The following PCDH18 variants were observed in gnomAD, a reference collection of about 807,000 sequenced individuals.
PCDH18 encodes the protein protocadherin 18.
In PCDH18, 38 loss-of-function variants were observed where a neutral mutation model predicts 71.5. The observed-to-expected ratio is 0.53, with a 90% CI of 0.41 to 0.70. The LOEUF (loss-of-function observed/expected upper bound fraction) is 0.70, where lower values mean the gene tolerates loss of function less well. Among genes scored for constraint, PCDH18 ranks in the 30% least tolerant of loss-of-function variants. PCDH18 has a pLI of 0.00. For synonymous variants in PCDH18, 565 were observed against 505.4 expected (o/e 1.12, Z -1.58); for missense variants, 1,334 against 1,384.6 (o/e 0.96, Z 0.58).
rs988332040 is a variant in PCDH18, at chr4:137,520,247, T to C, written c.*782A>G. 1.3e-5 allele frequency: 2 copies of C among 152,520 alleles called. No homozygotes were observed. The highest frequency in any genetic ancestry group is 4.8e-5 in the African/African-American group (2 of 41,454). 9.4% of individuals were successfully genotyped at this position (152,520 alleles called of 1,614,324 possible). A position where few individuals can be genotyped will look rare whatever the true frequency, so the allele number is the denominator to read the frequency against. On this transcript the variant is annotated 3_prime_UTR_variant, in exon 4 of 4. Transcript: ENST00000344876. ...TGGAGCATGTTTCATACTACAAGGA[T>C]GGAATAAAATTTATTGTTTACCATA...
Position 137,532,275 on chromosome 4 carries a change from C to T in PCDH18, c.-187G>A. 1 of 705,244 alleles carries T rather than the reference C, an allele frequency of 1.4e-6. No homozygotes were observed. Among genetic ancestry groups the T allele is most frequent in the South Asian group, 1.5e-5 (1 of 68,002 alleles). 43.7% of individuals were successfully genotyped at this position (705,244 alleles called of 1,614,324 possible). The stretch of plus-strand genomic sequence containing the variant: ...CACACCGTGTCACGACTTCCAGATA[C>T]CTTCGGCATGGAGTCCAGTCCTTGC... On this transcript the variant is annotated 5_prime_UTR_variant, in exon 1 of 4. Coordinates refer to ENST00000344876, the MANE Select transcript of PCDH18 (RefSeq NM_019035.5).
rs1238389277 is a variant in PCDH18 at position 137,519,103 on chromosome 4, T to C, written c.*1926A>G. 6.6e-6 allele frequency: 1 copy of C among 152,210 alleles called. No individual in the cohort carries two copies. The highest frequency in any genetic ancestry group is 2.4e-5 in the African/African-American group (1 of 41,452). The allele number at this position is 152,210 out of a possible 1,614,324, so 9.4% of individuals were successfully genotyped here. On this transcript the variant is annotated 3_prime_UTR_variant, in exon 4 of 4. Coordinates refer to ENST00000344876, the MANE Select transcript of PCDH18 (RefSeq NM_019035.5). Reference sequence around the variant, plus strand: ...TTGAAAGGCAGAATGCATTTAAATATGGTTAGCGTTTGTGTGTGTAATCTA... The same window carrying C: ...TTGAAAGGCAGAATGCATTTAAATACGGTTAGCGTTTGTGTGTGTAATCTA...
rs1200113502 is a variant in PCDH18, at chr4:137,529,810, G to A, written c.2279C>T (p.Thr760Ile). 1.2e-6 allele frequency: 2 copies of A among 1,612,166 alleles called. No individual in the cohort carries two copies. The highest frequency in any genetic ancestry group is 1.3e-5 in the African/African-American group (1 of 74,888). Residue 760 changes from threonine to isoleucine, a missense_variant, in exon 1 of 4, where the codon ACA (threonine) becomes ATA (isoleucine). By Grantham distance (89) the Thr-to-Ile change is moderately conservative. Transcript: ENST00000344876. ...PSRQIHKGDI[T>I]LVPTINGTLP... ...AGTGCCATTTATGGTAGGCACCAATGTGATGTCCCCTTTGTGAATCTGCCG... is the reference window on the plus strand; with the variant it reads ...AGTGCCATTTATGGTAGGCACCAATATGATGTCCCCTTTGTGAATCTGCCG...
intron 3 of PCDH18, among the ~76,000 whole-genome samples, chr4:137,526,958 T>TAAAAAAA (rs750084137): frequency 7.8e-6 from 1 of 127,734 alleles, no homozygotes; most frequent in Non-Finnish European, 1.7e-5. Flanking sequence ...TTCCAAATCT[T>TAAAAAAA]AAAAAAAAAA....
intron 3 of PCDH18, among the ~76,000 whole-genome samples, chr4:137,522,320 T>G (rs1731324974): frequency 6.6e-6 from 1 of 152,158 alleles, no homozygotes; most frequent in African/African-American, 2.4e-5. Flanking sequence ...CAAAATATAT[T>G]TATATTCAAA....
Position 137,530,403 on chromosome 4 carries a change from A to G in PCDH18, c.1686T>C (p.Val562=). 1 of 1,614,070 alleles carries G rather than the reference A, an allele frequency of 6.2e-7. No individual in the cohort carries two copies. Among genetic ancestry groups the G allele is most frequent in the South Asian group, 1.1e-5 (1 of 91,078 alleles). Residue 562 remains valine, a synonymous_variant, in exon 1 of 4, where the codon GTT becomes GTC. Coordinates refer to ENST00000344876, the MANE Select transcript of PCDH18 (RefSeq NM_019035.5). ...SPKQLVSNTT[V]VLTIIDENDN... ...CATTTTCGTCAATGATGGTGAGCAC[A>G]ACTGTGGTATTGCTTACCAGTTGCT...
intron 3 of PCDH18, among the ~76,000 whole-genome samples, chr4:137,527,370 G>A (rs1485350853): frequency 6.8e-6 from 1 of 146,010 alleles, no homozygotes; most frequent in Admixed American, 6.9e-5. Context: ...TTGTTATACT[G>A]TATTGTTTTT....
In PCDH18 at chr4:137,531,557, C is replaced by T. The variant is rs760028951; in HGVS notation, c.532G>A (p.Ala178Thr). 5 of 1,612,904 alleles carry T rather than the reference C, an allele frequency of 3.1e-6. No homozygotes were observed. The Admixed American group carries it at 5.0e-5, about 16-fold the overall frequency. ...ENSLHTYSLS[A>T]NDFFNIEVRT... The stretch of plus-strand genomic sequence containing the variant: ...ACCTCGATATTAAAAAAATCATTGG[C>T]AGAGAGCGAGTATGTGTGGAGGGAA... The change falls in exon 1 of 4, where the codon GCC (alanine) becomes ACC (threonine). Residue 178 changes from alanine to threonine, a missense_variant. Transcript: ENST00000344876.
Position 137,530,679 on chromosome 4 carries a change from A to C in PCDH18, c.1410T>G (p.Tyr470Ter). ...DNPPHFQRSR[Y>*]EFVISENNSP... ...AGTTATTTTCTGAAATTACAAATTC[A>C]TATCGGCTTCTCTGGAAGTGGGGTG... Residue 470 changes from tyrosine (Y) to a stop codon, truncating the protein, a stop_gained, in exon 1 of 4, where the codon TAT becomes TAG. Transcript: ENST00000344876. LOFTEE classifies it high-confidence loss of function. 6.2e-7 allele frequency: 1 copy of C among 1,613,150 alleles called. No individual in the cohort carries two copies. The highest frequency in any genetic ancestry group is 8.5e-7 in the Non-Finnish European group (1 of 1,179,576).
chr4:137,531,079 T>C lies in PCDH18; in HGVS notation c.1010A>G (p.His337Arg). Residue 337 changes from histidine (H) to arginine (R), a missense_variant, in exon 1 of 4, where the codon CAT (histidine) becomes CGT (arginine). Transcript: ENST00000344876. Reference sequence around the variant, plus strand: ...CACAACCTTAATTATAATTTTGCAATGGGCTGGGATTGAATTTGGACCCAA... The same window carrying C: ...CACAACCTTAATTATAATTTTGCAACGGGCTGGGATTGAATTTGGACCCAA... Reference protein sequence around the residue: ...QDLGPNSIPAHCKIIIKVVDV... With the variant: ...QDLGPNSIPARCKIIIKVVDV... The C allele has an allele frequency of 6.2e-7, 1 of 1,612,498 alleles. No individual in the cohort carries two copies. The highest frequency in any genetic ancestry group is 8.5e-7 in the Non-Finnish European group (1 of 1,179,194).
chr4:137,528,593 A>G lies in PCDH18; in HGVS notation c.2625T>C (p.Arg875=). The G allele has an allele frequency of 1.2e-6, 2 of 1,613,924 alleles. No homozygotes were observed. Among genetic ancestry groups the G allele is most frequent in the Non-Finnish European group, 1.7e-6 (2 of 1,179,900 alleles). ...MDKFSLKDSG[R]GDSEAGDSDY... ...CACTGTCTCCTGCCTCACTGTCACC[A>G]CGGCCACTGTCTTTCAAGCTAAATT... The change falls in exon 3 of 4, where the codon CGT becomes CGC. Residue 875 remains arginine, a synonymous_variant. Coordinates refer to ENST00000344876, the MANE Select transcript of PCDH18 (RefSeq NM_019035.5).
Position 137,528,486 on chromosome 4 carries a change from A to T in PCDH18, c.2732T>A (p.Ile911Asn). The T allele has an allele frequency of 6.2e-7, 1 of 1,613,782 alleles. No homozygotes were observed. The highest frequency in any genetic ancestry group is 8.5e-7 in the Non-Finnish European group (1 of 1,179,792). The stretch of plus-strand genomic sequence containing the variant: ...TATCACTACCCTCTTACCTGCTGGA[A>T]TTCTTCCATCTGTGAGAAACAGGTC... ...FSDLFLTDGR[I>N]PAAMRLCTEE... is the part of the protein sequence containing the mutation. The change falls in exon 3 of 4, where the codon ATT becomes AAT. Residue 911 changes from isoleucine (I) to asparagine (N), a missense_variant. Ile to Asn is a moderately radical substitution (Grantham distance 149). Transcript: ENST00000344876.
In PCDH18 at chr4:137,532,191, G is replaced by A; in HGVS notation, c.-103C>T. On this transcript the variant is annotated 5_prime_UTR_variant, in exon 1 of 4. Coordinates refer to ENST00000344876, the MANE Select transcript of PCDH18 (RefSeq NM_019035.5). Reference sequence around the variant, plus strand: ...AAGCTACATTTGGTACTTGAAACTTGAAAGCGTCTCTTAATAACACAGCAC... The same window carrying A: ...AAGCTACATTTGGTACTTGAAACTTAAAAGCGTCTCTTAATAACACAGCAC... The A allele has an allele frequency of 1.1e-6, 1 of 943,008 alleles. No individual in the cohort carries two copies. Among genetic ancestry groups the A allele is most frequent in the Admixed American group, 1.7e-5 (1 of 58,354 alleles). 58.4% of individuals were successfully genotyped at this position (943,008 alleles called of 1,614,324 possible).
rs963328785 is a variant in PCDH18 at position 137,532,288 on chromosome 4, G to A, written c.-200C>T. On this transcript the variant is annotated 5_prime_UTR_variant, in exon 1 of 4. Transcript: ENST00000344876. Reference sequence around the variant, plus strand: ...GACTTCCAGATACCTTCGGCATGGAGTCCAGTCCTTGCGTTTGTTTGGTCG... The same window carrying A: ...GACTTCCAGATACCTTCGGCATGGAATCCAGTCCTTGCGTTTGTTTGGTCG... 1.4e-6 allele frequency: 1 copy of A among 703,670 alleles called. No individual in the cohort carries two copies. The highest frequency in any genetic ancestry group is 2.6e-6 in the Non-Finnish European group (1 of 385,806). The allele number at this position is 703,670 out of a possible 1,614,324, so 43.6% of individuals were successfully genotyped here.
chr4:137,525,625 A>T (rs1731431643), intron 3 of PCDH18, among the ~76,000 whole-genome samples: 1 of 152,184 alleles, frequency 6.6e-6, no homozygotes, highest in East Asian at 1.9e-4. Context: ...TGCATATTGC[A>T]GTCTACAGTA....
rs762826550 is a variant in PCDH18 at position 137,531,114 on chromosome 4, C to T, written c.975G>A (p.Gln325=). Residue 325 remains glutamine, a synonymous_variant, in exon 1 of 4, where the codon CAG becomes CAA. Transcript: ENST00000344876. ...TTGAATTTGGACCCAAATCTTGAGCCTGAACATCAATCTCATAGGATTTGG... is the reference window on the plus strand; with the variant it reads ...TTGAATTTGGACCCAAATCTTGAGCTTGAACATCAATCTCATAGGATTTGG... ...EITKSYEIDV[Q]AQDLGPNSIP... 5 of 1,613,838 alleles carry T rather than the reference C, an allele frequency of 3.1e-6. No individual in the cohort carries two copies. In the South Asian group the frequency reaches 5.5e-5, roughly 18 times the overall value.
chr4:137,521,777 A>G, intron 3 of PCDH18, 81 bp from the exon 4 acceptor site: 1 of 1,049,300 alleles, frequency 9.5e-7, no homozygotes, highest in South Asian at 1.6e-5. Context: ...TTTTATAATA[A>G]AAATAGAATG....
rs1321299999 is a variant in PCDH18 at position 137,530,119 on chromosome 4, A to G, written c.1970T>C (p.Ile657Thr). ...CTGAGGATTGCCTTTGTCCTGAATG[A>G]TAACTGACAGCTCCCATTCTGTGTA... is the stretch of plus-strand genomic sequence containing the variant. ...VPYTEWELSV[I>T]IQDKGNPQLH... Residue 657 changes from isoleucine to threonine, a missense_variant, in exon 1 of 4, where the codon ATC becomes ACC. Ile to Thr is a moderately conservative substitution (Grantham distance 89, BLOSUM62 -1). Around this residue, in one of 3 missense-constraint regions of PCDH18, gnomAD observed 1,011 missense variants for 1,048.0 expected, o/e 0.96. Transcript: ENST00000344876. 1 of 1,613,294 alleles carries G rather than the reference A, an allele frequency of 6.2e-7. No homozygotes were observed. The highest frequency in any genetic ancestry group is 8.5e-7 in the Non-Finnish European group (1 of 1,179,310).
In PCDH18 at chr4:137,530,860, G is replaced by A. The variant is rs1731661091; in HGVS notation, c.1229C>T (p.Thr410Ile). The A allele has an allele frequency of 3.7e-6, 6 of 1,609,188 alleles. No individual in the cohort carries two copies. The highest frequency in any genetic ancestry group is 5.1e-6 in the Non-Finnish European group (6 of 1,177,348). ...HGHGHFKLQK[T>I]YENNYLILTN... The stretch of plus-strand genomic sequence containing the variant: ...TAAGATTAAATAATTGTTTTCATAT[G>A]TCTTCTGAAGTTTAAAGTGACCATG... The change falls in exon 1 of 4, where the codon ACA becomes ATA. Residue 410 changes from threonine (T) to isoleucine (I), a missense_variant. Around this residue, in one of 3 missense-constraint regions of PCDH18, gnomAD observed 1,011 missense variants for 1,048.0 expected, o/e 0.96. Transcript: ENST00000344876.
Sources: allele counts gnomAD v4.1 joint callset (sites outside exome capture counted in the v4.1 genomes callset), GRCh38; gene constraint gnomAD v4.1.1; regional missense constraint gnomAD v4.1.1; transcripts MANE v1.5; gene names NCBI Gene and HGNC (gene_info 2026-07-23, HGNC 2026-07-21).